The following PCMTD1 variants were observed in gnomAD, a reference collection of about 807,000 sequenced individuals.
PCMTD1 encodes protein-L-isoaspartate O-methyltransferase domain-containing protein 1.
A neutral mutation model predicts 37.6 loss-of-function variants in PCMTD1; 12 were observed. That is an observed-to-expected ratio of 0.32 (90% CI 0.20 to 0.52). The LOEUF (loss-of-function observed/expected upper bound fraction) is 0.52, where lower values mean the gene tolerates loss of function less well. PCMTD1 is among the 20% of genes least tolerant of loss of function. The pLI is 0.97. For missense variants in PCMTD1, 235 were observed against 421.3 expected (o/e 0.56, Z 3.87); for synonymous variants, 117 against 135.8 (o/e 0.86, Z 0.96).
chr8:51,821,856 C>T (rs1287416924), intron 5 of PCMTD1, among the ~76,000 whole-genome samples: 1 of 152,056 alleles, frequency 6.6e-6, no homozygotes, highest in Non-Finnish European at 1.5e-5. Context: ...CTGCCTCAGC[C>T]TCCCAAGTAG....
At chr8:51,890,501 C>A (rs1261964533) in intron 1 of PCMTD1, among the ~76,000 whole-genome samples, 1 of 152,086 alleles carries the variant, frequency 6.6e-6, no homozygotes, top group South Asian at 2.1e-4. Flanking sequence ...CAGGGATAAA[C>A]CATCCTTCTA....
At chr8:51,834,380 G>T (rs1302518270) in intron 3 of PCMTD1, among the ~76,000 whole-genome samples, 1 of 152,108 alleles carries the variant, frequency 6.6e-6, no homozygotes, top group African/African-American at 2.4e-5. Context: ...CTTGTTCCTG[G>T]TAATAGTGTT....
chr8:51,855,785 G>A (rs770575899), intron 2 of PCMTD1, among the ~76,000 whole-genome samples: 36 of 151,776 alleles, frequency 2.4e-4, no homozygotes, highest in Non-Finnish European at 3.8e-4. Context: ...TCAGCCTCCC[G>A]AGTAGCTGCA....
In PCMTD1 at chr8:51,820,286, C is replaced by T; in HGVS notation, c.*65G>A. ...AAGAAATAATTCTCTCTTTTAACTC[C>T]TAACAAATGCTACATTTTCAAGACT... is the stretch of plus-strand genomic sequence containing the variant. On this transcript the variant is annotated 3_prime_UTR_variant, in exon 6 of 6. Transcript: ENST00000522514. The T allele has an allele frequency of 7.1e-7, 1 of 1,403,752 alleles. No homozygotes were observed. 87.0% of individuals were successfully genotyped at this position (1,403,752 alleles called of 1,614,324 possible). A position where few individuals can be genotyped will look rare whatever the true frequency, so the allele number is the denominator to read the frequency against.
Position 51,876,032 on chromosome 8 carries a change from T to C in PCMTD1, c.-95-14786A>G, listed in dbSNP as rs573382845. Among the ~76,000 whole-genome samples the C allele has an allele frequency of 4.6e-5, 7 of 152,332 alleles. No homozygotes were observed. The South Asian group carries it at 6.2e-4, about 14-fold the overall frequency. ...CACTATTATATCATTACTGATGTAA[T>C]ATATATAAACTGTCTACAATAGTCC... On this transcript the variant is annotated intron_variant, in intron 1 of 5. Coordinates refer to ENST00000522514, the MANE Select transcript of PCMTD1 (RefSeq NM_052937.4).
intron 3 of PCMTD1, among the ~76,000 whole-genome samples, chr8:51,835,128 T>C (rs750626749): frequency 5.9e-5 from 9 of 152,198 alleles, no homozygotes; most frequent in Non-Finnish European, 1.0e-4. Flanking sequence ...CGTACTACTC[T>C]GCAGGCAGAC....
At chr8:51,826,694 C>A (rs1436672007) in intron 5 of PCMTD1, among the ~76,000 whole-genome samples, 1 of 151,968 alleles carries the variant, frequency 6.6e-6, no homozygotes, top group Non-Finnish European at 1.5e-5. Context: ...TTACGTTGAA[C>A]CATATAAAAC....
At chr8:51,875,747 T>C (rs949539999) in intron 1 of PCMTD1, among the ~76,000 whole-genome samples, 4 of 152,092 alleles carry the variant, frequency 2.6e-5, no homozygotes, top group African/African-American at 7.2e-5. Flanking sequence ...GTGGGCAACA[T>C]GGAGAGACCT....
At chr8:51,835,455 C>T (rs914131411) in intron 3 of PCMTD1, among the ~76,000 whole-genome samples, 1 of 152,006 alleles carries the variant, frequency 6.6e-6, no homozygotes. Context: ...TAAAATATGG[C>T]CAAAATATAA....
intron 2 of PCMTD1, among the ~76,000 whole-genome samples, chr8:51,854,279 C>A (rs1420582494): frequency 6.6e-6 from 1 of 151,950 alleles, no homozygotes; most frequent in African/African-American, 2.4e-5. Flanking sequence ...TCCATAAACA[C>A]AAAATCACCT....
chr8:51,861,653 T>G (rs1243789614), intron 1 of PCMTD1, among the ~76,000 whole-genome samples: 1 of 152,142 alleles, frequency 6.6e-6, no homozygotes, highest in Non-Finnish European at 1.5e-5. Context: ...TACTGGACAG[T>G]GCTGCTCTGC....
chr8:51,835,286 TTGAAA>T (rs2038053515), intron 3 of PCMTD1, among the ~76,000 whole-genome samples: 1 of 152,230 alleles, frequency 6.6e-6, no homozygotes, highest in African/African-American at 2.4e-5. Flanking sequence ...CAAGATATAG[TTGAAA>T]TATCAGCTTT....
In PCMTD1 at chr8:51,818,057, G is replaced by A. The variant is rs1023189061; in HGVS notation, c.*2294C>T. ...TTTGCTACTTTTCCACCTATAAAGC[G>A]TAATTTTCCATATCAAGTAAACATA... On this transcript the variant is annotated 3_prime_UTR_variant, in exon 6 of 6. Coordinates refer to ENST00000522514, the MANE Select transcript of PCMTD1 (RefSeq NM_052937.4). 67 of 400,212 alleles carry A rather than the reference G, an allele frequency of 1.7e-4. No homozygotes were observed. Among genetic ancestry groups the A allele is most frequent in the East Asian group, 5.3e-4 (7 of 13,114 alleles). The allele number at this position is 400,212 out of a possible 1,614,324, so 24.8% of individuals were successfully genotyped here. A position where few individuals can be genotyped will look rare whatever the true frequency, so the allele number is the denominator to read the frequency against.
At position 51,826,918 on chromosome 8, in the gene PCMTD1, A is replaced by G. The variant is rs548160670; in HGVS notation, c.706+4526T>C. 7 of 884,488 alleles carry G rather than the reference A, an allele frequency of 7.9e-6. No individual in the cohort carries two copies. In the African/African-American group the frequency reaches 1.3e-4, roughly 16 times the overall value. The allele number at this position is 884,488 out of a possible 1,614,324, so 54.8% of individuals were successfully genotyped here. On this transcript the variant is annotated intron_variant, in intron 5 of 5. Coordinates refer to ENST00000522514, the MANE Select transcript of PCMTD1 (RefSeq NM_052937.4). ...TAAAATTAGTGGTGAATCAAGATGA[A>G]AAATTATGACTCCACTTTAGTAAGT... is the stretch of plus-strand genomic sequence containing the variant.
At chr8:51,826,483 C>A (rs1044108443) in intron 5 of PCMTD1, among the ~76,000 whole-genome samples, 1 of 152,098 alleles carries the variant, frequency 6.6e-6, no homozygotes, top group East Asian at 1.9e-4. Flanking sequence ...AACAAAACTG[C>A]ACATTCTGCA....
intron 1 of PCMTD1, among the ~76,000 whole-genome samples, chr8:51,886,882 G>A (rs1312783296): frequency 1.3e-5 from 2 of 152,104 alleles, no homozygotes; most frequent in African/African-American, 2.4e-5. Context: ...TTAAGATCAA[G>A]GTGTTGGGGA....
At chr8:51,827,206 A>T in intron 5 of PCMTD1, 1 of 1,137,498 alleles carries the variant, frequency 8.8e-7, no homozygotes. Context: ...TGAAGCTTTT[A>T]TTTTTTAGAA....
chr8:51,824,192 G>C (rs774842557), intron 5 of PCMTD1, among the ~76,000 whole-genome samples: 43 of 152,162 alleles, frequency 2.8e-4, no homozygotes, highest in Non-Finnish European at 7.3e-5. Flanking sequence ...GGAAGTTCTG[G>C]CCAAGGCAAT....
At chr8:51,886,683 G>A (rs1190699839) in intron 1 of PCMTD1, among the ~76,000 whole-genome samples, 2 of 152,146 alleles carry the variant, frequency 1.3e-5, no homozygotes, top group Non-Finnish European at 2.9e-5. Context: ...CTTTTGTTGG[G>A]GAGAGGCTGT....
Sources: gnomAD v4.1 joint callset for allele counts (sites outside exome capture counted in the v4.1 genomes callset) on GRCh38, gnomAD v4.1.1 for gene constraint, MANE v1.5 for transcripts, NCBI Gene and HGNC (gene_info 2026-07-23, HGNC 2026-07-21) for gene names.